Variants in EVC2 observed in about 807,000 individuals in gnomAD.
EVC2 encodes the protein EvC ciliary complex subunit 2.
A neutral mutation model predicts 149.3 loss-of-function variants in EVC2; 148 were observed. The ratio of observed to expected loss-of-function variants is 0.99; its 90% confidence interval spans 0.87 to 1.14. EVC2 has a LOEUF of 1.14. Among genes scored for constraint, EVC2 ranks in the 50% most tolerant of loss-of-function variants. The probability of loss-of-function intolerance (pLI) is 0.00; values close to 1 mark genes in which losing one functional copy is unlikely to be tolerated. For missense variants in EVC2, 1,854 were observed against 1,627.3 expected, an observed-to-expected ratio of 1.14 and a Z score of -2.40; for synonymous variants, 776 against 649.9, an observed-to-expected ratio of 1.19 and a Z score of -2.95.
In EVC2 at chr4:5,631,887, C is replaced by G. The variant is rs747876686; in HGVS notation, c.1616G>C (p.Ser539Thr). The G allele has an allele frequency of 6.2e-7, 1 of 1,614,232 alleles. No homozygotes were observed. The highest frequency in any genetic ancestry group is 2.2e-5 in the East Asian group (1 of 44,878). ...LAVFQRNELH[S>T]IFFTQIKSAI... ...ACTTTTTATCTGGGTAAAAAAGATA[C>G]TGTGCAGTTCATTTCTCTGGAAAAC... is the stretch of plus-strand genomic sequence containing the variant. The change falls in exon 11 of 22, where the codon AGT (serine) becomes ACT (threonine). Residue 539 changes from serine (S) to threonine (T), a missense_variant. Transcript: ENST00000344408.
At chr4:5,583,375 G>A (rs994827847) in intron 17 of EVC2, among the ~76,000 whole-genome samples, 1 of 152,126 alleles carries the variant, frequency 6.6e-6, no homozygotes, top group African/African-American at 2.4e-5. Flanking sequence ...AAAATGAGTT[G>A]AGGAATATTG....
In EVC2 at chr4:5,670,617, C is replaced by T. The variant is rs1447563802; in HGVS notation, c.871-4968G>A. Among the ~76,000 whole-genome samples the T allele has an allele frequency of 5.3e-5, 8 of 151,982 alleles. No homozygotes were observed. Among genetic ancestry groups the T allele is most frequent in the Non-Finnish European group, 1.2e-4 (8 of 67,994 alleles). ...TCAATATCACCATCACCATCATCTT[C>T]ACCATCACCATCACTACCATCATTG... On this transcript the variant is annotated intron_variant, in intron 7 of 21. Coordinates refer to ENST00000344408, the MANE Select transcript of EVC2 (RefSeq NM_147127.5). This position sits in a 1 kb window ranked among gnomAD's most constrained non-coding sequence, Gnocchi z 5.2.
intron 16 of EVC2, among the ~76,000 whole-genome samples, chr4:5,599,900 T>C (rs6830161): frequency 0.16 from 24,394 of 152,118 alleles, 2,789 homozygotes; most frequent in East Asian, 0.62. Context: ...TGATGGTCCA[T>C]TGGGTTAATA....
chr4:5,537,872 A>T (rs1721449127), downstream of EVC2, among the ~76,000 whole-genome samples: 1 of 152,202 alleles, frequency 6.6e-6, no homozygotes, highest in Admixed American at 6.5e-5. Context: ...TCCCCCTTCA[A>T]GAAAATAAAA....
At chr4:5,705,551 A>G (rs1472274726) in intron 1 of EVC2, among the ~76,000 whole-genome samples, 1 of 150,788 alleles carries the variant, frequency 6.6e-6, no homozygotes, top group East Asian at 1.9e-4. Context: ...TTTTTTTTTG[A>G]AAACTAAATA....
intron 15 of EVC2, among the ~76,000 whole-genome samples, chr4:5,616,844 C>G (rs561405214): frequency 1.3e-5 from 2 of 152,160 alleles, no homozygotes; most frequent in African/African-American, 4.8e-5. Context: ...GAGGCAGTGG[C>G]CACAGCCATT....
intron 5 of EVC2, among the ~76,000 whole-genome samples, chr4:5,688,013 T>G (rs1186034101): frequency 1.3e-5 from 2 of 152,198 alleles, no homozygotes; most frequent in Non-Finnish European, 2.9e-5. Flanking sequence ...TATGCTCTGC[T>G]CGTGGCTCCA....
In EVC2 at chr4:5,562,619, AAAG is replaced by A; in HGVS notation, c.*226_*228del. ...CCAGGGCCCTGGGGAGGTGGGGCTGAAAGAAGGAGTGTTTATGTCCTTGTGATA... is the reference window on the plus strand; with the variant it reads ...CCAGGGCCCTGGGGAGGTGGGGCTGAAAGGAGTGTTTATGTCCTTGTGATA... On this transcript the variant is annotated 3_prime_UTR_variant, in exon 22 of 22. Transcript: ENST00000344408. This position sits in a 1 kb window ranked among gnomAD's most constrained non-coding sequence, Gnocchi z 4.3. 2 of 1,408,860 alleles carry A rather than the reference AAAG, an allele frequency of 1.4e-6. No homozygotes were observed. Among genetic ancestry groups the A allele is most frequent in the South Asian group, 1.5e-5 (1 of 66,494 alleles). 87.3% of individuals were successfully genotyped at this position (1,408,860 alleles called of 1,614,324 possible).
chr4:5,650,018 T>C (rs1240418590), intron 9 of EVC2, among the ~76,000 whole-genome samples: 1 of 152,206 alleles, frequency 6.6e-6, no homozygotes, highest in Non-Finnish European at 1.5e-5. Context: ...AATTTCTAGT[T>C]GGGTAAAACC....
At chr4:5,676,844 G>A (rs1403002981) in intron 7 of EVC2, among the ~76,000 whole-genome samples, 2 of 152,176 alleles carry the variant, frequency 1.3e-5, no homozygotes, top group Middle Eastern at 3.4e-3. Flanking sequence ...TGCATTCTTC[G>A]GTCTTTTTTT....
intron 9 of EVC2, among the ~76,000 whole-genome samples, chr4:5,641,637 G>A (rs73198186): frequency 0.14 from 21,504 of 151,952 alleles, 1,599 homozygotes; most frequent in Middle Eastern, 0.17. Flanking sequence ...TCTATAAAGC[G>A]AAGGAAAGCT....
intron 9 of EVC2, among the ~76,000 whole-genome samples, chr4:5,655,895 T>G (rs903018733): frequency 1.3e-5 from 2 of 152,104 alleles, no homozygotes; most frequent in African/African-American, 4.8e-5. Context: ...CCACAAGGAT[T>G]TCCAGTGGAA....
chr4:5,547,284 C>T (rs1303068593), intron 21 of EVC2, among the ~76,000 whole-genome samples: 2 of 152,252 alleles, frequency 1.3e-5, no homozygotes, highest in East Asian at 3.9e-4. Flanking sequence ...GGAGGGAAGC[C>T]AAAGGGGTGC....
In EVC2 at chr4:5,700,717, C is replaced by T. The variant is rs545486398; in HGVS notation, c.229-3070G>A. 4.6e-5 allele frequency among the ~76,000 whole-genome samples: 7 copies of T among 152,258 alleles called. No individual in the cohort carries two copies. The East Asian group carries it at 5.8e-4, about 13-fold the overall frequency. On this transcript the variant is annotated intron_variant, in intron 1 of 21. Coordinates refer to ENST00000344408, the MANE Select transcript of EVC2 (RefSeq NM_147127.5). ...GGGGACTCCAGCCACTCTGGGCAAC[C>T]GCTCCCATAGGCACCATGCCAGGTG...
chr4:5,563,594 C>T (rs1226450410), intron 21 of EVC2, among the ~76,000 whole-genome samples: 1 of 152,126 alleles, frequency 6.6e-6, no homozygotes, highest in African/African-American at 2.4e-5. Flanking sequence ...CCCACATCGG[C>T]CTCTCAAAGT....
At chr4:5,621,552 C>A (rs540510071) in intron 14 of EVC2, among the ~76,000 whole-genome samples, 109 of 152,294 alleles carry the variant, frequency 7.2e-4, no homozygotes, top group African/African-American at 2.5e-3. Flanking sequence ...GTTGCCAGCC[C>A]CAAACAACCA....
intron 5 of EVC2, among the ~76,000 whole-genome samples, chr4:5,688,075 T>C (rs983282596): frequency 2.0e-5 from 3 of 152,136 alleles, no homozygotes; most frequent in East Asian, 3.9e-4. Context: ...CTTTATATCA[T>C]TGAAGGCAGG....
intron 16 of EVC2, among the ~76,000 whole-genome samples, chr4:5,589,206 T>C (rs1214688523): frequency 1.3e-5 from 2 of 152,228 alleles, no homozygotes; most frequent in Admixed American, 6.5e-5. Flanking sequence ...TTTAAGCTCT[T>C]TTATGTGGGA....
At chr4:5,678,580 A>T (rs1047477266) in intron 7 of EVC2, among the ~76,000 whole-genome samples, 1 of 152,224 alleles carries the variant, frequency 6.6e-6, no homozygotes, top group Admixed American at 6.5e-5. Context: ...TAATTGTGCA[A>T]ACACCACAGA....
Sources: gnomAD v4.1 joint callset for allele counts (sites outside exome capture counted in the v4.1 genomes callset) on GRCh38, gnomAD v4.1.1 for gene constraint, Gnocchi (gnomAD v3.1) non-coding constraint, MANE v1.5 for transcripts, NCBI Gene and HGNC (gene_info 2026-07-23, HGNC 2026-07-21) for gene names.